CHRNA7: variants seen among roughly 807,000 people sequenced by gnomAD.
The protein encoded by CHRNA7 is cholinergic receptor nicotinic alpha 7 subunit.
In CHRNA7, 17 loss-of-function variants were observed where a neutral mutation model predicts 48.0. The ratio of observed to expected loss-of-function variants is 0.35; its 90% confidence interval spans 0.24 to 0.53. The LOEUF is 0.53. Among genes scored for constraint, CHRNA7 ranks in the 20% least tolerant of loss-of-function variants. The pLI, the probability that CHRNA7 is intolerant of heterozygous loss-of-function variation, is 0.92. For synonymous variants in CHRNA7, 75 were observed against 242.3 expected (o/e 0.31, Z 6.41); for missense variants, 155 against 577.7 (o/e 0.27, Z 7.50).
At chr15:32,146,101 C>T (rs1566873260) in intron 4 of CHRNA7, among the ~76,000 whole-genome samples, 1 of 152,168 alleles carries the variant, frequency 6.6e-6, no homozygotes, top group African/African-American at 2.4e-5. Context: ...CAAAGTCTAG[C>T]AATAAGTTAA....
At chr15:32,073,945 G>A (rs71476581) in intron 2 of CHRNA7, among the ~76,000 whole-genome samples, 2,309 of 152,104 alleles carry the variant, frequency 0.015, 22 homozygotes, top group Middle Eastern at 0.048. Context: ...CAATGCAAAA[G>A]GGACTAATAC....
At chr15:32,075,451 A>G (rs965861442) in intron 2 of CHRNA7, among the ~76,000 whole-genome samples, 4 of 152,104 alleles carry the variant, frequency 2.6e-5, no homozygotes, top group African/African-American at 9.6e-5. Flanking sequence ...TGAGGGATTT[A>G]TTCATTTCGT....
In CHRNA7 at chr15:32,134,949, G is replaced by A. The variant is rs141919334; in HGVS notation, c.351-18958G>A. ...TGGAAAGTAGGAAAGAATGATTTAC[G>A]GTCGTGCAATAATATCCAACACTTC... On this transcript the variant is annotated intron_variant, in intron 4 of 9. Transcript: ENST00000306901. Among the ~76,000 whole-genome samples, 85 of 152,340 alleles carry A rather than the reference G, an allele frequency of 5.6e-4. 1 individual carries two copies. In the East Asian group the frequency reaches 0.013, roughly 24 times the overall value.
At chr15:32,109,314 C>T (rs541119741) in intron 3 of CHRNA7, among the ~76,000 whole-genome samples, 3 of 152,256 alleles carry the variant, frequency 2.0e-5, no homozygotes, top group East Asian at 1.9e-4. Flanking sequence ...AGGTCACTCT[C>T]GTGGCCATCT....
At chr15:32,116,454 C>T (rs965759336) in intron 4 of CHRNA7, among the ~76,000 whole-genome samples, 3 of 152,154 alleles carry the variant, frequency 2.0e-5, no homozygotes, top group East Asian at 1.9e-4. Flanking sequence ...AGGATGGGCA[C>T]GAATAAAAGC....
At chr15:32,146,756 G>A (rs2051496705) in intron 4 of CHRNA7, among the ~76,000 whole-genome samples, 1 of 152,178 alleles carries the variant, frequency 6.6e-6, no homozygotes, top group Non-Finnish European at 1.5e-5. Flanking sequence ...AAAATAAATT[G>A]AGTGTGATTA....
chr15:32,118,989 C>CAAAA (rs66493443), intron 4 of CHRNA7, among the ~76,000 whole-genome samples: 1 of 132,960 alleles, frequency 7.5e-6, no homozygotes. Context: ...CTTCGAAATG[C>CAAAA]AAAAAAAAAA....
chr15:32,149,874 T>C lies in CHRNA7; in HGVS notation c.351-4033T>C, dbSNP rs920492788. ...GCTTGAAAGAAAGGCTTGTAGGAAC[T>C]TTTTTTTTTTCAGAGTTGAATCACT... On this transcript the variant is annotated intron_variant, in intron 4 of 9. Coordinates refer to ENST00000306901, the MANE Select transcript of CHRNA7 (RefSeq NM_000746.6). This position sits in a 1 kb window ranked among gnomAD's most constrained non-coding sequence, Gnocchi z 4.6. 2.1e-5 allele frequency among the ~76,000 whole-genome samples: 3 copies of C among 143,070 alleles called. No homozygotes were observed. Among genetic ancestry groups the C allele is most frequent in the Non-Finnish European group, 3.0e-5 (2 of 66,410 alleles). The allele number at this position is 143,070 out of a possible 152,430, so 93.9% of individuals were successfully genotyped here.
At position 32,070,301 on chromosome 15, in the gene CHRNA7, A is replaced by G. The variant is rs558053072; in HGVS notation, c.196-31002A>G. ...CAGGCAACCACTAATCTGATTTGTC[A>G]CTATGGATTATTTTGCTCACTATTT... is the stretch of plus-strand genomic sequence containing the variant. On this transcript the variant is annotated intron_variant, in intron 2 of 9. Transcript: ENST00000306901. 1.5e-3 allele frequency among the ~76,000 whole-genome samples: 228 copies of G among 152,278 alleles called. 2 individuals carry two copies. Among genetic ancestry groups the G allele is most frequent in the African/African-American group, 5.2e-3 (218 of 41,542 alleles).
chr15:32,166,409 C>T (rs1477467254), intron 9 of CHRNA7: 3 of 152,232 alleles, frequency 2.0e-5, no homozygotes, highest in South Asian at 2.1e-4. Context: ...CGCAGAGTGC[C>T]GCCTGCTTGT....
rs574389753 is a variant in CHRNA7, at chr15:32,149,720, T to G, written c.351-4187T>G. 6.6e-6 allele frequency among the ~76,000 whole-genome samples: 1 copy of G among 152,284 alleles called. No individual in the cohort carries two copies. The highest frequency in any genetic ancestry group is 2.1e-4 in the South Asian group (1 of 4,822). On this transcript the variant is annotated intron_variant, in intron 4 of 9. Transcript: ENST00000306901. This position sits in a 1 kb window ranked among gnomAD's most constrained non-coding sequence, Gnocchi z 4.6. ...AATATTCTGTTTGGATGAAAAACAT[T>G]CAGAAATCACTGAGTCACAAATCAC...
At chr15:32,147,319 C>T (rs1026910124) in intron 4 of CHRNA7, among the ~76,000 whole-genome samples, 3 of 152,176 alleles carry the variant, frequency 2.0e-5, no homozygotes, top group African/African-American at 7.2e-5. Flanking sequence ...GTGATGGAAT[C>T]AATTATACCC....
chr15:32,045,537 A>G (rs996008902), intron 2 of CHRNA7, among the ~76,000 whole-genome samples: 9 of 151,730 alleles, frequency 5.9e-5, no homozygotes, highest in East Asian at 1.9e-4. Context: ...TCTCTCTTCA[A>G]TAAGTTTTTT....
At chr15:32,122,887 C>CAAAAA (rs61151556) in intron 4 of CHRNA7, among the ~76,000 whole-genome samples, 2,013 of 107,808 alleles carry the variant, frequency 0.019, 26 homozygotes, top group Non-Finnish European at 0.028. Flanking sequence ...GCTCTCAAAG[C>CAAAAA]AAAAAAAAAA....
intron 4 of CHRNA7, among the ~76,000 whole-genome samples, chr15:32,134,246 C>T (rs899564712): frequency 6.6e-6 from 1 of 152,020 alleles, no homozygotes; most frequent in Non-Finnish European, 1.5e-5. Flanking sequence ...GCAACCTTCA[C>T]TTCCCAAGTT....
intron 4 of CHRNA7, among the ~76,000 whole-genome samples, chr15:32,120,959 G>A (rs1253964456): frequency 2.6e-5 from 4 of 152,064 alleles, no homozygotes; most frequent in South Asian, 2.1e-4. Flanking sequence ...GCCAGGGTCC[G>A]CCGCCACCCC....
chr15:32,103,080 A>T (rs2050600653), intron 3 of CHRNA7: 1 of 152,222 alleles, frequency 6.6e-6, no homozygotes. Context: ...AGATAAGAGA[A>T]ATGTGCCCTT....
At chr15:32,104,542 A>G (rs372447930) in intron 3 of CHRNA7, among the ~76,000 whole-genome samples, 1 of 152,088 alleles carries the variant, frequency 6.6e-6, no homozygotes, top group East Asian at 1.9e-4. Flanking sequence ...ATTGGTTCTG[A>G]GTCTTCATCA....
At chr15:32,044,040 C>A (rs752410105) in intron 2 of CHRNA7, among the ~76,000 whole-genome samples, 2 of 152,210 alleles carry the variant, frequency 1.3e-5, no homozygotes, top group Non-Finnish European at 2.9e-5. Flanking sequence ...AAGAGGTCAG[C>A]TGTATGCCTT....
Sources: gnomAD v4.1 joint callset for allele counts (sites outside exome capture counted in the v4.1 genomes callset) on GRCh38, gnomAD v4.1.1 for gene constraint, Gnocchi (gnomAD v3.1) non-coding constraint, MANE v1.5 for transcripts, NCBI Gene and HGNC (gene_info 2026-07-23, HGNC 2026-07-21) for gene names.